Variants in ERICH3 observed in about 807,000 individuals in gnomAD.
ERICH3 encodes the protein glutamate rich 3, also known as glutamate-rich protein 3.
ERICH3 carries 126 observed loss-of-function variants against 131.1 expected under a neutral mutation model. The ratio of observed to expected loss-of-function variants is 0.96; its 90% CI spans 0.83 to 1.11. The LOEUF (loss-of-function observed/expected upper bound fraction) is 1.11, where lower values mean the gene tolerates loss of function less well. Ranked by LOEUF, ERICH3 falls within the 50% of genes most tolerant of loss-of-function variation. The pLI is 0.00. For synonymous variants in ERICH3, 695 were observed against 644.6 expected (o/e 1.08, Z -1.18); for missense variants, 2,050 against 1,810.7 (o/e 1.13, Z -2.40).
intron 12 of ERICH3, among the ~76,000 whole-genome samples, chr1:74,582,888 C>T (rs1295226953): frequency 6.6e-6 from 1 of 152,048 alleles, no homozygotes; most frequent in Non-Finnish European, 1.5e-5. Flanking sequence ...TGTAATTTTT[C>T]AGGCCAAACA....
chr1:74,665,754 C>T (rs1246888044), intron 1 of ERICH3, among the ~76,000 whole-genome samples: 1 of 152,026 alleles, frequency 6.6e-6, no homozygotes. Context: ...CAGATATTGG[C>T]CTGATTTAAC....
At chr1:74,651,411 T>C (rs1231739419) in intron 1 of ERICH3, among the ~76,000 whole-genome samples, 2 of 152,108 alleles carry the variant, frequency 1.3e-5, no homozygotes, top group East Asian at 3.9e-4. Context: ...ACCCAAGAGC[T>C]TCAGTAAGGC....
At chr1:74,580,530 T>C (rs1381050826) in intron 12 of ERICH3, among the ~76,000 whole-genome samples, 1 of 152,242 alleles carries the variant, frequency 6.6e-6, no homozygotes, top group Non-Finnish European at 1.5e-5. Flanking sequence ...TGATGAACAA[T>C]GTCATCAATA....
rs916749775 is a variant in ERICH3, at chr1:74,636,196, G to A, written c.603+84C>T. 4.5e-5 allele frequency: 50 copies of A among 1,121,640 alleles called. No homozygotes were observed. In the South Asian group the frequency reaches 7.0e-4, roughly 16 times the overall value. 69.5% of individuals were successfully genotyped at this position (1,121,640 alleles called of 1,614,324 possible). On this transcript the variant is annotated intron_variant, in intron 6 of 14. Transcript: ENST00000326665. Reference sequence around the variant, plus strand: ...AATTTTCACTGTGTAGATTTTAATCGAATATAATACCTTGACCACTGTAAT... The same window carrying A: ...AATTTTCACTGTGTAGATTTTAATCAAATATAATACCTTGACCACTGTAAT...
chr1:74,660,112 A>T (rs1363869052), intron 1 of ERICH3, among the ~76,000 whole-genome samples: 1 of 151,898 alleles, frequency 6.6e-6, no homozygotes, highest in East Asian at 1.9e-4. Flanking sequence ...ATAGTGAGTG[A>T]ATTCTCATGA....
intron 10 of ERICH3, among the ~76,000 whole-genome samples, chr1:74,604,071 T>A (rs1648272582): frequency 6.6e-6 from 1 of 151,942 alleles, no homozygotes; most frequent in South Asian, 2.1e-4. Context: ...ATCCTGCCAC[T>A]CCTTTATCAA....
chr1:74,632,020 T>C, intron 6 of ERICH3, 92 bp from the exon 7 acceptor site: 1 of 1,164,098 alleles, frequency 8.6e-7, no homozygotes, highest in South Asian at 1.5e-5. Context: ...ATGATTGACA[T>C]TGCATGCAAA....
At chr1:74,587,681 T>C (rs1365470676) in intron 12 of ERICH3, among the ~76,000 whole-genome samples, 1 of 152,132 alleles carries the variant, frequency 6.6e-6, no homozygotes, top group Non-Finnish European at 1.5e-5. Context: ...AGTGAAAATT[T>C]AAAAAATGAA....
chr1:74,647,376 G>A (rs1216682000), intron 2 of ERICH3, among the ~76,000 whole-genome samples: 4 of 151,890 alleles, frequency 2.6e-5, no homozygotes, highest in Non-Finnish European at 5.9e-5. Flanking sequence ...AAAAATACTT[G>A]GTTTCATTAC....
chr1:74,572,326 G>A lies in ERICH3; in HGVS notation c.3384C>T (p.Asn1128=), dbSNP rs769950814. 1.1e-5 allele frequency: 17 copies of A among 1,613,624 alleles called. No individual in the cohort carries two copies. The highest frequency in any genetic ancestry group is 6.7e-5 in the African/African-American group (5 of 74,880). ...PPNEMGSDAE[N]EAPVEASELS... ...ACTCAGAAGCCTCCACAGGTGCTTC[G>A]TTCTCAGCATCAGATCCCATTTCAT... The change falls in exon 14 of 15, where the codon AAC becomes AAT. Residue 1128 remains asparagine (N), a synonymous_variant. Coordinates refer to ENST00000326665, the MANE Select transcript of ERICH3 (RefSeq NM_001002912.5).
rs1371857825 is a variant in ERICH3, at chr1:74,568,857, C to T, written c.*1601G>A. ...GCAGTTTTTGGACATCAGTGTACAT[C>T]AGTATTAACTGCAGGGCTTGTTAAG... On this transcript the variant is annotated 3_prime_UTR_variant, in exon 15 of 15. Transcript: ENST00000326665. 1.3e-5 allele frequency: 2 copies of T among 152,120 alleles called. No homozygotes were observed. Among genetic ancestry groups the T allele is most frequent in the Non-Finnish European group, 2.9e-5 (2 of 67,998 alleles). 9.4% of individuals were successfully genotyped at this position (152,120 alleles called of 1,614,324 possible).
intron 1 of ERICH3, among the ~76,000 whole-genome samples, chr1:74,654,072 A>C (rs1646561320): frequency 6.6e-6 from 1 of 151,938 alleles, no homozygotes; most frequent in Admixed American, 6.6e-5. Flanking sequence ...TCCATTTGAA[A>C]CCTCATTAAA....
chr1:74,641,562 T>C (rs1646438083), intron 4 of ERICH3, 103 bp from the exon 5 acceptor site: 2 of 1,321,992 alleles, frequency 1.5e-6, no homozygotes, highest in South Asian at 1.3e-5. Flanking sequence ...AAATTCTTTC[T>C]CATTTCTTCC....
At chr1:74,646,286 T>C (rs1482094551) in intron 3 of ERICH3, among the ~76,000 whole-genome samples, 1 of 152,108 alleles carries the variant, frequency 6.6e-6, no homozygotes, top group Non-Finnish European at 1.5e-5. Context: ...GTCACCTTTT[T>C]TAGCAAATGG....
intron 7 of ERICH3, chr1:74,621,952 A>G (rs1343596378): frequency 2.0e-5 from 3 of 152,192 alleles, no homozygotes; most frequent in Non-Finnish European, 2.9e-5. Context: ...CTAAAAATCA[A>G]TTTTAAGCTA....
At chr1:74,575,834 A>G (rs778837527) in intron 13 of ERICH3, among the ~76,000 whole-genome samples, 6 of 152,254 alleles carry the variant, frequency 3.9e-5, no homozygotes, top group Non-Finnish European at 8.8e-5. Context: ...ATATGAACAC[A>G]ACACTATAAG....
Position 74,589,885 on chromosome 1 carries a change from T to G in ERICH3, c.1922A>C (p.Glu641Ala). ...KSHLPIEESL[E>A]IEIEDQEITK... is the part of the protein sequence containing the mutation. ...TATTTCTTGGTCTTCAATTTCAATT[T>G]CTAAGGATTCCTCAATTGGAAGGTG... The change falls in exon 12 of 15, where the codon GAA (glutamate) becomes GCA (alanine). Residue 641 changes from glutamate to alanine, a missense_variant. Physicochemically the swap from Glu to Ala is moderately radical, Grantham distance 107. Coordinates refer to ENST00000326665, the MANE Select transcript of ERICH3 (RefSeq NM_001002912.5). 6.2e-7 allele frequency: 1 copy of G among 1,614,096 alleles called. No homozygotes were observed. Among genetic ancestry groups the G allele is most frequent in the Non-Finnish European group, 8.5e-7 (1 of 1,179,984 alleles).
At chr1:74,647,744 G>A (rs962999773) in intron 2 of ERICH3, among the ~76,000 whole-genome samples, 3 of 152,080 alleles carry the variant, frequency 2.0e-5, no homozygotes, top group Non-Finnish European at 2.9e-5. Context: ...TCTGCTAACT[G>A]TAGTTTTTAA....
chr1:74,581,034 C>G lies in ERICH3; in HGVS notation c.2177-4098G>C, dbSNP rs1430658138. Among the ~76,000 whole-genome samples, 3 of 152,226 alleles carry G rather than the reference C, an allele frequency of 2.0e-5. No homozygotes were observed. The East Asian group carries it at 5.8e-4, about 29-fold the overall frequency. ...AAATATTTCTTCCAGAGTTTGTTTT[C>G]CTGTATAGTCGTATGTTATTTCTGT... On this transcript the variant is annotated intron_variant, in intron 12 of 14. Coordinates refer to ENST00000326665, the MANE Select transcript of ERICH3 (RefSeq NM_001002912.5).
Sources: allele counts gnomAD v4.1 joint callset (sites outside exome capture counted in the v4.1 genomes callset), GRCh38; gene constraint gnomAD v4.1.1; transcripts MANE v1.5; gene names NCBI Gene and HGNC (gene_info 2026-07-23, HGNC 2026-07-21).